Variants in TENM4 observed in about 807,000 individuals in gnomAD.
TENM4 encodes the protein teneurin transmembrane protein 4.
In TENM4, 82 loss-of-function variants were observed where a neutral mutation model predicts 243.3. The ratio of observed to expected loss-of-function variants is 0.34; its 90% CI spans 0.28 to 0.40. The LOEUF is 0.40. TENM4 is among the 10% of genes least tolerant of loss of function. TENM4 has a pLI of 1.00. For synonymous variants in TENM4, 1,412 were observed against 1,456.3 expected (o/e 0.97, Z 0.69); for missense variants, 3,138 against 3,673.3 (o/e 0.85, Z 3.77).
intron 12 of TENM4, among the ~76,000 whole-genome samples, chr11:78,835,645 T>C (rs1042807491): frequency 2.0e-5 from 3 of 152,248 alleles, no homozygotes; most frequent in Non-Finnish European, 2.9e-5. Context: ...TTCAGGCCTC[T>C]GTTTTAAACC....
chr11:79,406,612 A>G (rs1235979664), intron 1 of TENM4, among the ~76,000 whole-genome samples: 4 of 152,142 alleles, frequency 2.6e-5, no homozygotes, highest in Non-Finnish European at 5.9e-5. Flanking sequence ...ATTTGGTCCC[A>G]GTCCCCCGTG....
intron 6 of TENM4, among the ~76,000 whole-genome samples, chr11:78,950,130 AG>A (rs944963479): frequency 2.6e-5 from 4 of 152,130 alleles, no homozygotes; most frequent in Non-Finnish European, 5.9e-5. Context: ...CAGGCCTTAA[AG>A]GGCCACTGCC....
chr11:79,427,457 C>A (rs890783185), intron 1 of TENM4, among the ~76,000 whole-genome samples: 2 of 151,984 alleles, frequency 1.3e-5, no homozygotes, highest in African/African-American at 4.8e-5. Context: ...ATTAATGGAA[C>A]GGGGAAACGA....
Position 79,064,972 on chromosome 11 carries a change from C to T in TENM4, c.259G>A (p.Glu87Lys), listed in dbSNP as rs988547538. Residue 87 changes from glutamate (E) to lysine (K), a missense_variant, in exon 6 of 34, where the codon GAA becomes AAA. Transcript: ENST00000278550. The part of the protein sequence containing the change: ...NFTLRELGLE[E>K]VTPPHGTLYR... ...AGGGTCCCGTGAGGGGGCGTTACTT[C>T]TTCCAGCCCCAGCTCCCGCAGGGTG... is the stretch of plus-strand genomic sequence containing the variant. 1.0e-5 allele frequency: 15 copies of T among 1,468,362 alleles called. No homozygotes were observed. The East Asian group carries it at 1.8e-4, about 17-fold the overall frequency. 91.0% of individuals were successfully genotyped at this position (1,468,362 alleles called of 1,614,324 possible).
chr11:78,998,122 T>C (rs1858223514), intron 6 of TENM4, among the ~76,000 whole-genome samples: 1 of 152,198 alleles, frequency 6.6e-6, no homozygotes. Context: ...TAGTCTATGG[T>C]ATTTTGTTAT....
intron 1 of TENM4, among the ~76,000 whole-genome samples, chr11:79,340,067 G>A (rs1038119891): frequency 5.9e-5 from 9 of 152,186 alleles, no homozygotes; most frequent in African/African-American, 9.7e-5. Flanking sequence ...CTGAAATACC[G>A]AGGCCGCAAT....
intron 9 of TENM4, among the ~76,000 whole-genome samples, chr11:78,870,055 T>C (rs1859084408): frequency 6.6e-6 from 1 of 152,240 alleles, no homozygotes; most frequent in Non-Finnish European, 1.5e-5. Flanking sequence ...TCAGAGCTTG[T>C]TGAGTTACTG....
chr11:79,287,540 T>C (rs572604215), intron 2 of TENM4, among the ~76,000 whole-genome samples: 1 of 151,968 alleles, frequency 6.6e-6, no homozygotes, highest in East Asian at 1.9e-4. Flanking sequence ...AAGTAATGAG[T>C]TGGGGGTGAG....
chr11:78,755,843 C>T (rs1187510428), intron 19 of TENM4, among the ~76,000 whole-genome samples: 3 of 152,178 alleles, frequency 2.0e-5, no homozygotes, highest in Non-Finnish European at 4.4e-5. Context: ...GACAGGGACC[C>T]TCTGGCACAG....
chr11:79,341,830 T>A (rs980806689), intron 1 of TENM4, among the ~76,000 whole-genome samples: 1 of 152,196 alleles, frequency 6.6e-6, no homozygotes, highest in Non-Finnish European at 1.5e-5. Context: ...TGACATTTCC[T>A]TATGGGTGGT....
chr11:78,854,342 A>C, intron 11 of TENM4, 28 bp from the exon 12 acceptor site: 1 of 1,473,614 alleles, frequency 6.8e-7, no homozygotes, highest in African/African-American at 1.4e-5. Flanking sequence ...CACAGTTAGC[A>C]GTGGGTCTGT....
Position 78,676,338 on chromosome 11 carries a change from C to T in TENM4, c.5310G>A (p.Leu1770=), listed in dbSNP as rs1209934304. The part of the protein sequence containing the change: ...YYIGADGSLR[L]LLANGMEVAL... ...CCACCTCCATGCCGTTGGCCAGCAG[C>T]AGCCGCAAGGAGCCATCGGCCCCGA... is the stretch of plus-strand genomic sequence containing the variant. Residue 1770 remains leucine (L), a synonymous_variant, in exon 30 of 34, where the codon CTG becomes CTA. Transcript: ENST00000278550. 6.2e-7 allele frequency: 1 copy of T among 1,610,010 alleles called. No homozygotes were observed. The highest frequency in any genetic ancestry group is 1.3e-5 in the African/African-American group (1 of 74,956).
chr11:79,025,378 C>T (rs1335355800), intron 6 of TENM4, among the ~76,000 whole-genome samples: 4 of 152,182 alleles, frequency 2.6e-5, no homozygotes. Context: ...CGGTTCTGCG[C>T]TTTTTAATAA....
intron 6 of TENM4, among the ~76,000 whole-genome samples, chr11:78,932,697 C>T (rs1317328850): frequency 6.6e-6 from 1 of 152,172 alleles, no homozygotes; most frequent in Non-Finnish European, 1.5e-5. Context: ...TTTCCATGGA[C>T]CAGTGGCAGG....
intron 1 of TENM4, among the ~76,000 whole-genome samples, chr11:79,307,366 C>G (rs1856643364): frequency 6.6e-6 from 1 of 152,164 alleles, no homozygotes. Context: ...CCACCTTCCA[C>G]CGGCCGCACA....
chr11:78,884,425 T>C (rs1433996940), intron 9 of TENM4, among the ~76,000 whole-genome samples: 2 of 149,764 alleles, frequency 1.3e-5, no homozygotes, highest in South Asian at 2.2e-4. Context: ...GGGTCTGAGG[T>C]GAGATCTTTT....
At chr11:79,305,108 C>T (rs561822655) in intron 1 of TENM4, among the ~76,000 whole-genome samples, 5 of 152,214 alleles carry the variant, frequency 3.3e-5, no homozygotes, top group Admixed American at 1.3e-4. Flanking sequence ...TTACTGTGAA[C>T]GTCAGACTCA....
chr11:78,821,899 A>G (rs1332986361), intron 12 of TENM4, among the ~76,000 whole-genome samples: 2 of 152,206 alleles, frequency 1.3e-5, no homozygotes, highest in African/African-American at 4.8e-5. Flanking sequence ...ACTACTTACT[A>G]CATTGGGTTA....
rs961503858 is a variant in TENM4, at chr11:78,762,993, T to C, written c.2540-5972A>G. Among the ~76,000 whole-genome samples the C allele has an allele frequency of 3.3e-5, 5 of 152,332 alleles. No homozygotes were observed. The East Asian group carries it at 7.7e-4, about 23-fold the overall frequency. On this transcript the variant is annotated intron_variant, in intron 18 of 33. Coordinates refer to ENST00000278550, the MANE Select transcript of TENM4 (RefSeq NM_001098816.3). Reference sequence around the variant, plus strand: ...GGTTTTTGGGTGGCTTGGAAACATTTATAGTTTCCAAATACTTCATATCTC... The same window carrying C: ...GGTTTTTGGGTGGCTTGGAAACATTCATAGTTTCCAAATACTTCATATCTC...
Sources: allele counts gnomAD v4.1 joint callset (sites outside exome capture counted in the v4.1 genomes callset), GRCh38; gene constraint gnomAD v4.1.1; transcripts MANE v1.5; gene names NCBI Gene and HGNC (gene_info 2026-07-23, HGNC 2026-07-21).